The following RGPD6 variants were observed in gnomAD, a reference collection of about 807,000 sequenced individuals.
The protein encoded by RGPD6 is RANBP2-like and GRIP domain-containing protein 5/6.
chr2:110,603,868 T>C, the RGPD6 span, among the ~76,000 whole-genome samples: 1 of 149,930 alleles, frequency 6.7e-6, no homozygotes, highest in African/African-American at 2.5e-5. Flanking sequence ...CCCTATCATA[T>C]CCCGGGTGGT....
the RGPD6 span, among the ~76,000 whole-genome samples, chr2:110,591,586 T>A: frequency 6.7e-6 from 1 of 149,830 alleles, no homozygotes; most frequent in South Asian, 2.1e-4. Flanking sequence ...ATCTTCCTCA[T>A]CACCTCGGCC....
At chr2:110,609,617 CTT>C in the RGPD6 span, among the ~76,000 whole-genome samples, 1 of 142,036 alleles carries the variant, frequency 7.0e-6, no homozygotes, top group South Asian at 2.3e-4. Context: ...CATGTGAACT[CTT>C]TACTGAATTA....
At chr2:110,608,387 A>G in the RGPD6 span, among the ~76,000 whole-genome samples, 1 of 151,190 alleles carries the variant, frequency 6.6e-6, no homozygotes, top group Non-Finnish European at 1.5e-5. Flanking sequence ...TCCAGGATTA[A>G]GAGATTCAAA....
chr2:110,605,974 G>T, the RGPD6 span, among the ~76,000 whole-genome samples: 1 of 151,588 alleles, frequency 6.6e-6, no homozygotes, highest in African/African-American at 2.4e-5. Context: ...TGGATTGCAG[G>T]TATTTATGGG....
the RGPD6 span, among the ~76,000 whole-genome samples, chr2:110,607,738 CTCCTCCT>C: frequency 1.4e-5 from 2 of 146,310 alleles, no homozygotes; most frequent in Admixed American, 6.8e-5. Context: ...TAATCTGTAC[CTCCTCCT>C]TCCTCCTTCA....
the RGPD6 span, among the ~76,000 whole-genome samples, chr2:110,605,855 T>C: frequency 6.6e-6 from 1 of 151,310 alleles, no homozygotes. Context: ...CTCCTTTCCA[T>C]TTCCTCCTGA....
the RGPD6 span, among the ~76,000 whole-genome samples, chr2:110,600,763 G>A: frequency 0.071 from 5,526 of 77,718 alleles, 42 homozygotes; most frequent in African/African-American, 0.18. Context: ...ATATAATGCC[G>A]GTGCTAATCT....
chr2:110,600,124 C>T, the RGPD6 span, among the ~76,000 whole-genome samples: 3 of 148,908 alleles, frequency 2.0e-5, no homozygotes, highest in South Asian at 6.4e-4. Flanking sequence ...TCAGGCAGAA[C>T]GGACTTTATC....
the RGPD6 span, among the ~76,000 whole-genome samples, chr2:110,596,826 T>C: frequency 7.5e-6 from 1 of 134,212 alleles, no homozygotes; most frequent in African/African-American, 3.0e-5. Flanking sequence ...GAACACAATA[T>C]ACTATTCATT....
the RGPD6 span, among the ~76,000 whole-genome samples, chr2:110,610,757 A>C: frequency 6.9e-6 from 1 of 145,512 alleles, no homozygotes; most frequent in Non-Finnish European, 1.5e-5. Context: ...GGCTAAGTCG[A>C]AGCTGTCCAT....
At chr2:110,589,555 T>C in the RGPD6 span, among the ~76,000 whole-genome samples, 1 of 150,758 alleles carries the variant, frequency 6.6e-6, no homozygotes, top group Admixed American at 6.6e-5. Context: ...CTAAGCTACC[T>C]GACTCCACTG....
chr2:110,605,207 C>T, the RGPD6 span, among the ~76,000 whole-genome samples: 1 of 151,834 alleles, frequency 6.6e-6, no homozygotes, highest in South Asian at 2.1e-4. Context: ...GGGCCCCTGC[C>T]TCCTCCAGGC....
At chr2:110,600,175 T>C in the RGPD6 span, among the ~76,000 whole-genome samples, 2 of 116,474 alleles carry the variant, frequency 1.7e-5, no homozygotes, top group African/African-American at 3.0e-5. Flanking sequence ...TCCTAGACAG[T>C]CACACAGCTA....
chr2:110,610,560 G>C, the RGPD6 span, among the ~76,000 whole-genome samples: 2 of 150,956 alleles, frequency 1.3e-5, no homozygotes, highest in Non-Finnish European at 3.0e-5. Context: ...CACCCGGGGA[G>C]GCAGAAAAGG....
chr2:110,593,277 T>C, the RGPD6 span, among the ~76,000 whole-genome samples: 1,391 of 148,182 alleles, frequency 9.4e-3, 213 homozygotes, highest in African/African-American at 0.035. Context: ...TTACACTTCA[T>C]CAGTGACCCC....
chr2:110,594,173 A>G, the RGPD6 span, among the ~76,000 whole-genome samples: 1 of 148,066 alleles, frequency 6.8e-6, no homozygotes, highest in East Asian at 2.0e-4. Context: ...ATTAAAACCC[A>G]TATGACCATC....
chr2:110,608,888 C>T, the RGPD6 span, among the ~76,000 whole-genome samples: 1 of 29,012 alleles, frequency 3.4e-5, no homozygotes, highest in Middle Eastern at 9.3e-3. Context: ...GGTAATTCAG[C>T]TGGGAACTAA....
the RGPD6 span, among the ~76,000 whole-genome samples, chr2:110,604,033 G>T: frequency 7.3e-6 from 1 of 136,152 alleles, no homozygotes; most frequent in East Asian, 2.1e-4. Flanking sequence ...GTCATTCGAT[G>T]TAATGGTTGG....
chr2:110,609,880 C>T, the RGPD6 span, among the ~76,000 whole-genome samples: 1 of 121,700 alleles, frequency 8.2e-6, no homozygotes, highest in Middle Eastern at 4.1e-3. Flanking sequence ...ACTAAAGCAG[C>T]CAATGGGATT....
Sources: gnomAD v4.1 joint callset for allele counts (sites outside exome capture counted in the v4.1 genomes callset) on GRCh38, gnomAD v4.1.1 for gene constraint, MANE v1.5 for transcripts, NCBI Gene and HGNC (gene_info 2026-07-23, HGNC 2026-07-21) for gene names.